Variants in GHR observed in about 807,000 individuals in gnomAD.
GHR encodes the protein growth hormone receptor, also known as GH receptor.
GHR carries 35 observed loss-of-function variants against 67.1 expected under a neutral mutation model. The observed-to-expected ratio is 0.52, with a 90% confidence interval of 0.40 to 0.69. GHR has a LOEUF of 0.69. GHR is among the 30% of genes least tolerant of loss of function. GHR has a pLI of 0.00. For synonymous variants in GHR, 272 were observed against 269.1 expected (o/e 1.01, Z -0.10); for missense variants, 792 against 764.6 (o/e 1.04, Z -0.42).
intron 1 of GHR, among the ~76,000 whole-genome samples, chr5:42,535,138 T>G (rs1045019139): frequency 1.1e-4 from 16 of 152,304 alleles, no homozygotes; most frequent in Non-Finnish European, 2.1e-4. Flanking sequence ...CTGTTCCTTT[T>G]GCTGTCCAAA....
At chr5:42,708,133 A>G (rs1758271778) in intron 6 of GHR, among the ~76,000 whole-genome samples, 1 of 152,158 alleles carries the variant, frequency 6.6e-6, no homozygotes, top group Admixed American at 6.5e-5. Context: ...TCATCAGTAG[A>G]GTTTCAGGTT....
intron 3 of GHR, among the ~76,000 whole-genome samples, chr5:42,644,941 T>G (rs9292855): frequency 0.15 from 23,430 of 152,140 alleles, 1,967 homozygotes; most frequent in Non-Finnish European, 0.16. Flanking sequence ...CATGAGAATA[T>G]TATGAAGTAT....
chr5:42,471,187 A>G (rs1183714634), intron 1 of GHR, among the ~76,000 whole-genome samples: 2 of 152,106 alleles, frequency 1.3e-5, no homozygotes, highest in East Asian at 3.9e-4. Context: ...CTGGTATAGC[A>G]CTTTTTTGAT....
intron 1 of GHR, among the ~76,000 whole-genome samples, chr5:42,484,408 G>C (rs1745790618): frequency 6.6e-6 from 1 of 152,222 alleles, no homozygotes; most frequent in South Asian, 2.1e-4. Flanking sequence ...ATTGTAAAGA[G>C]TAAATGCATC....
intron 2 of GHR, among the ~76,000 whole-genome samples, chr5:42,623,546 G>A (rs1580076008): frequency 1.3e-5 from 2 of 152,094 alleles, no homozygotes; most frequent in East Asian, 3.9e-4. Context: ...TGTTTCCTTG[G>A]CCCCAACTGC....
intron 1 of GHR, among the ~76,000 whole-genome samples, chr5:42,503,488 T>C (rs902836592): frequency 6.6e-6 from 1 of 152,240 alleles, no homozygotes; most frequent in South Asian, 2.1e-4. Context: ...ACTATACTTT[T>C]ACTTTTTAGC....
chr5:42,534,208 A>G (rs1257253363), intron 1 of GHR, among the ~76,000 whole-genome samples: 1 of 80,518 alleles, frequency 1.2e-5, no homozygotes, highest in African/African-American at 6.0e-5. Context: ...GTATATATGT[A>G]TATATGTATA....
chr5:42,659,324 AC>A (rs1755435885), intron 3 of GHR: 1 of 152,136 alleles, frequency 6.6e-6, no homozygotes, highest in South Asian at 2.1e-4. Flanking sequence ...TACTACCCCT[AC>A]CTACCAAGGC....
At chr5:42,569,907 G>A (rs1307909241) in intron 2 of GHR, among the ~76,000 whole-genome samples, 2 of 152,078 alleles carry the variant, frequency 1.3e-5, no homozygotes, top group African/African-American at 4.8e-5. Context: ...CACATCCTAA[G>A]GGAACCAAGA....
intron 1 of GHR, among the ~76,000 whole-genome samples, chr5:42,551,888 G>A (rs1749052364): frequency 6.6e-6 from 1 of 152,222 alleles, no homozygotes; most frequent in Non-Finnish European, 1.5e-5. Context: ...ATGATCACAA[G>A]TGGTTGAAAA....
At chr5:42,576,598 A>T (rs1750758590) in intron 2 of GHR, among the ~76,000 whole-genome samples, 1 of 152,202 alleles carries the variant, frequency 6.6e-6, no homozygotes, top group African/African-American at 2.4e-5. Flanking sequence ...GCCTAAAAGA[A>T]GCGGTTTATT....
In GHR at chr5:42,424,566, T is replaced by C; in HGVS notation, c.-12+611T>C. On this transcript the variant is annotated intron_variant, in intron 1 of 9. Coordinates refer to ENST00000230882, the MANE Select transcript of GHR (RefSeq NM_000163.5). The surrounding 1 kb of genome is among the most constrained non-coding windows in gnomAD (Gnocchi z 4.1). The stretch of plus-strand genomic sequence containing the variant: ...TTGGCACCGATGGAACTGGGGTCAG[T>C]AGAGTGACAGCCACCAGTCCGCATG... 6.5e-7 allele frequency: 1 copy of C among 1,534,080 alleles called. No individual in the cohort carries two copies. Among genetic ancestry groups the C allele is most frequent in the Non-Finnish European group, 8.7e-7 (1 of 1,145,640 alleles).
chr5:42,523,137 G>T (rs1339992289), intron 1 of GHR, among the ~76,000 whole-genome samples: 1 of 152,142 alleles, frequency 6.6e-6, no homozygotes, highest in African/African-American at 2.4e-5. Context: ...TTTTCATTTA[G>T]AAAGCAAATT....
chr5:42,554,009 T>TG (rs1561117769), intron 1 of GHR, among the ~76,000 whole-genome samples: 1 of 152,134 alleles, frequency 6.6e-6, no homozygotes, highest in African/African-American at 2.4e-5. Flanking sequence ...GGGCAACTTT[T>TG]GGGGGCAGAT....
chr5:42,614,651 A>G (rs1580058726), intron 2 of GHR, among the ~76,000 whole-genome samples: 1 of 149,746 alleles, frequency 6.7e-6, no homozygotes, highest in East Asian at 2.0e-4. Context: ...TAATGACTAA[A>G]GAAAAATACT....
chr5:42,504,536 A>G (rs1056518558), intron 1 of GHR, among the ~76,000 whole-genome samples: 4 of 152,100 alleles, frequency 2.6e-5, no homozygotes, highest in African/African-American at 9.7e-5. Context: ...CGAGGTGGGT[A>G]GATCACGAGG....
intron 1 of GHR, among the ~76,000 whole-genome samples, chr5:42,545,793 C>T (rs375696466): frequency 1.3e-5 from 2 of 152,278 alleles, no homozygotes; most frequent in Middle Eastern, 3.4e-3. Context: ...CTTTCCTACT[C>T]TTAGTATAAC....
chr5:42,661,569 C>T (rs1015437641), intron 3 of GHR, among the ~76,000 whole-genome samples: 6 of 152,130 alleles, frequency 3.9e-5, no homozygotes, highest in Admixed American at 2.6e-4. Flanking sequence ...GATTTTGTCA[C>T]CACCAGGCCT....
At chr5:42,481,812 T>C (rs918020348) in intron 1 of GHR, among the ~76,000 whole-genome samples, 1 of 152,204 alleles carries the variant, frequency 6.6e-6, no homozygotes, top group Non-Finnish European at 1.5e-5. Flanking sequence ...TTTTAACTTC[T>C]TTGCCATTGG....
Sources: allele counts gnomAD v4.1 joint callset (sites outside exome capture counted in the v4.1 genomes callset), GRCh38; gene constraint gnomAD v4.1.1; non-coding constraint Gnocchi (gnomAD v3.1); transcripts MANE v1.5; gene names NCBI Gene and HGNC (gene_info 2026-07-23, HGNC 2026-07-21).